The following PKHD1L1 variants were observed in gnomAD, a reference collection of about 807,000 sequenced individuals.
PKHD1L1 encodes the protein fibrocystin-L.
PKHD1L1 carries 434 observed loss-of-function variants against 462.9 expected under a neutral mutation model. That is an observed-to-expected ratio of 0.94 (90% CI 0.87 to 1.02). The LOEUF (loss-of-function observed/expected upper bound fraction) is 1.02. Among genes scored for constraint, PKHD1L1 ranks in the 50% least tolerant of loss-of-function variants. The pLI is 0.00. For missense variants in PKHD1L1, 5,202 were observed against 5,096.1 expected (o/e 1.02, Z -0.63); for synonymous variants, 1,781 against 1,750.0 (o/e 1.02, Z -0.44).
At chr8:109,457,831 C>G (rs557118460) in intron 46 of PKHD1L1, among the ~76,000 whole-genome samples, 1 of 152,244 alleles carries the variant, frequency 6.6e-6, no homozygotes, top group South Asian at 2.1e-4. Flanking sequence ...CTAAAGAAAT[C>G]ATTGTATCAT....
Position 109,523,215 on chromosome 8 carries a change from CTTTTTT to C in PKHD1L1, c.12331-8_12331-3del. The C allele has an allele frequency of 6.9e-7, 1 of 1,442,970 alleles. No homozygotes were observed. The highest frequency in any genetic ancestry group is 9.4e-7 in the Non-Finnish European group (1 of 1,068,354). 89.4% of individuals were successfully genotyped at this position (1,442,970 alleles called of 1,614,324 possible). A position where few individuals can be genotyped will look rare whatever the true frequency, so the allele number is the denominator to read the frequency against. On this transcript the variant is annotated splice_polypyrimidine_tract_variant and intron_variant, in intron 75 of 77. Coordinates refer to ENST00000378402, the MANE Select transcript of PKHD1L1 (RefSeq NM_177531.6). ...ACAGGACAATTGTTATAATTATCTA[CTTTTTT>C]TTTTTTTTTAGGGTAACTGTGTATC...
Position 109,396,056 on chromosome 8 carries a change from A to G in PKHD1L1, c.841A>G (p.Ser281Gly), listed in dbSNP as rs750402055. 5 of 1,605,710 alleles carry G rather than the reference A, an allele frequency of 3.1e-6. No individual in the cohort carries two copies. Among genetic ancestry groups the G allele is most frequent in the South Asian group, 2.3e-5 (2 of 88,746 alleles). ...CACCATGATTTTCCCTTCACAAGGAAGCATTCGAGGTGGCACCACGCTGAC... is the reference window on the plus strand; with the variant it reads ...CACCATGATTTTCCCTTCACAAGGAGGCATTCGAGGTGGCACCACGCTGAC... ...EVTMIFPSQG[S>G]IRGGTTLTIS... The change falls in exon 11 of 78, where the codon AGC (serine) becomes GGC (glycine). Residue 281 changes from serine (S) to glycine (G), a missense_variant. Physicochemically the swap from Ser to Gly is moderately conservative, Grantham distance 56. Coordinates refer to ENST00000378402, the MANE Select transcript of PKHD1L1 (RefSeq NM_177531.6).
Position 109,448,391 on chromosome 8 carries a change from G to A in PKHD1L1, c.6025G>A (p.Gly2009Arg). The change falls in exon 39 of 78, where the codon GGG becomes AGG. Residue 2009 changes from glycine to arginine, a missense_variant and splice_region_variant. This residue lies in a region of PKHD1L1 where 4,497 missense variants were observed against 4,336.8 expected (regional missense o/e 1.04). Transcript: ENST00000378402. ...TATTCAAAATATTAATCCAAGCCAAGGTAGTCATAAGTATGCAAGAACCTG... is the reference window on the plus strand; with the variant it reads ...TATTCAAAATATTAATCCAAGCCAAAGTAGTCATAAGTATGCAAGAACCTG... ...LNIQNINPSQGSFGGGQTMTV... is the reference protein window; with the variant it reads ...LNIQNINPSQRSFGGGQTMTV... 1 of 1,607,768 alleles carries A rather than the reference G, an allele frequency of 6.2e-7. No individual in the cohort carries two copies. The highest frequency in any genetic ancestry group is 8.5e-7 in the Non-Finnish European group (1 of 1,176,166).
chr8:109,504,889 G>A (rs911482172), intron 68 of PKHD1L1, among the ~76,000 whole-genome samples: 2 of 152,074 alleles, frequency 1.3e-5, no homozygotes, highest in African/African-American at 2.4e-5. Context: ...GGAGTTTGAG[G>A]ACATCCTGGA....
chr8:109,486,862 CATT>C, intron 59 of PKHD1L1, 41 bp downstream of exon 59: 1 of 1,545,464 alleles, frequency 6.5e-7, no homozygotes, highest in African/African-American at 1.4e-5. Context: ...TGAGCTATAA[CATT>C]ATCTCATCTA....
At chr8:109,416,934 C>T (rs1327060812) in intron 21 of PKHD1L1, among the ~76,000 whole-genome samples, 1 of 152,078 alleles carries the variant, frequency 6.6e-6, no homozygotes, top group Non-Finnish European at 1.5e-5. Context: ...GCCTATCGCC[C>T]TTATGCTATG....
chr8:109,427,198 G>C, intron 25 of PKHD1L1, 42 bp downstream of exon 25: 7 of 1,489,050 alleles, frequency 4.7e-6, no homozygotes, highest in Non-Finnish European at 5.6e-6. Context: ...TCTATGTGCT[G>C]TTTGCTTATT....
chr8:109,392,333 T>A (rs1812749900), intron 9 of PKHD1L1, among the ~76,000 whole-genome samples: 1 of 152,138 alleles, frequency 6.6e-6, no homozygotes, highest in Non-Finnish European at 1.5e-5. Context: ...AAGGTTTGAG[T>A]GATCAAGGTT....
intron 30 of PKHD1L1, among the ~76,000 whole-genome samples, chr8:109,438,026 A>G (rs191484254): frequency 2.6e-5 from 4 of 152,264 alleles, no homozygotes; most frequent in East Asian, 3.9e-4. Context: ...TCAGAGAATC[A>G]CTTCTCCAGA....
intron 2 of PKHD1L1, among the ~76,000 whole-genome samples, chr8:109,373,456 C>A (rs1192323033): frequency 2.0e-5 from 3 of 149,546 alleles, no homozygotes; most frequent in African/African-American, 7.3e-5. Flanking sequence ...AAAAAACCAG[C>A]TCCTGGATTC....
intron 2 of PKHD1L1, among the ~76,000 whole-genome samples, chr8:109,372,347 T>C (rs1232229267): frequency 2.1e-4 from 32 of 152,202 alleles, no homozygotes; most frequent in Non-Finnish European, 1.5e-5. Context: ...TTTTTGCACA[T>C]TGATTTTGTA....
intron 14 of PKHD1L1, among the ~76,000 whole-genome samples, chr8:109,403,950 T>A (rs1813400506): frequency 3.3e-5 from 5 of 152,008 alleles, no homozygotes; most frequent in Admixed American, 2.6e-4. Context: ...GGGTACACAG[T>A]AGGATGAGGG....
intron 63 of PKHD1L1, among the ~76,000 whole-genome samples, chr8:109,495,404 G>A (rs1673426): frequency 0.49 from 73,646 of 151,796 alleles, 19,574 homozygotes; most frequent in African/African-American, 0.71. Context: ...GACTATGTTG[G>A]TATTCCTAAA....
At chr8:109,507,310 C>T (rs1204071878) in intron 68 of PKHD1L1, among the ~76,000 whole-genome samples, 3 of 152,124 alleles carry the variant, frequency 2.0e-5, no homozygotes, top group African/African-American at 7.2e-5. Context: ...TAACAGTAAT[C>T]ATTCACCTAC....
chr8:109,451,022 G>T lies in PKHD1L1; in HGVS notation c.6223G>T (p.Asp2075Tyr), dbSNP rs536707795. The change falls in exon 41 of 78, where the codon GAT becomes TAT. Residue 2075 changes from aspartate to tyrosine, a missense_variant. Physicochemically the swap from Asp to Tyr is radical, Grantham distance 160 (BLOSUM62 -3). Transcript: ENST00000378402. Reference sequence around the variant, plus strand: ...TGAAGTGAGTGTGGTTAATGGGAAAGATTTGTCACAGTCCATGACTCCGTT... The same window carrying T: ...TGAAGTGAGTGTGGTTAATGGGAAATATTTGTCACAGTCCATGACTCCGTT... ...ACEVSVVNGK[D>Y]LSQSMTPFTY... 40 of 1,613,556 alleles carry T rather than the reference G, an allele frequency of 2.5e-5. No homozygotes were observed. Among genetic ancestry groups the T allele is most frequent in the Admixed American group, 1.7e-4 (10 of 59,978 alleles).
intron 68 of PKHD1L1, 22 bp downstream of exon 68, chr8:109,504,514 G>T (rs768987641): frequency 6.5e-6 from 9 of 1,390,520 alleles, no homozygotes; most frequent in African/African-American, 6.1e-5. Flanking sequence ...AAAAATTGTG[G>T]TTTTTCTATC....
chr8:109,452,597 T>TTA, intron 42 of PKHD1L1, 121 bp from the exon 43 acceptor site: 1 of 488,948 alleles, frequency 2.0e-6, no homozygotes. Flanking sequence ...TGCTTATTGT[T>TTA]TATATATATT....
At chr8:109,401,023 G>A (rs550461107) in intron 13 of PKHD1L1, among the ~76,000 whole-genome samples, 5 of 152,136 alleles carry the variant, frequency 3.3e-5, no homozygotes, top group Non-Finnish European at 7.4e-5. Flanking sequence ...GTACTCCAAA[G>A]CATGTGTACT....
intron 71 of PKHD1L1, among the ~76,000 whole-genome samples, chr8:109,512,858 CT>C (rs1321143572): frequency 6.7e-6 from 1 of 150,344 alleles, no homozygotes; most frequent in Non-Finnish European, 1.5e-5. Context: ...TGTTTGTATC[CT>C]CTTTTATTTC....
Sources: allele counts gnomAD v4.1 joint callset (sites outside exome capture counted in the v4.1 genomes callset), GRCh38; gene constraint gnomAD v4.1.1; regional missense constraint gnomAD v4.1.1; transcripts MANE v1.5; gene names NCBI Gene and HGNC (gene_info 2026-07-23, HGNC 2026-07-21).